The following PRKN variants were observed in gnomAD, a reference collection of about 807,000 sequenced individuals.
PRKN encodes parkin RBR E3 ubiquitin protein ligase.
PRKN carries 56 observed loss-of-function variants against 59.5 expected under a neutral mutation model. That is an observed-to-expected ratio of 0.94 (90% CI 0.76 to 1.18). The LOEUF is 1.18. Among genes scored for constraint, PRKN ranks in the 50% most tolerant of loss-of-function variants. The pLI is 0.00. For synonymous variants in PRKN, 250 were observed against 222.1 expected, an observed-to-expected ratio of 1.13 and a Z score of -1.12; for missense variants, 657 against 596.4, an observed-to-expected ratio of 1.10 and a Z score of -1.06.
At position 162,133,100 on chromosome 6, in the gene PRKN, G is replaced by A. The variant is rs1009352114; in HGVS notation, c.534+68031C>T. Among the ~76,000 whole-genome samples the A allele has an allele frequency of 3.9e-5, 6 of 152,260 alleles. No homozygotes were observed. The South Asian group carries it at 1.2e-3, about 32-fold the overall frequency. On this transcript the variant is annotated intron_variant, in intron 4 of 11. Transcript: ENST00000366898. ...TGTGAATGTGATGGGCAGGCAGATG[G>A]TTTGTGTCTGAAAAATGTTAGAAGG...
At chr6:161,779,603 C>T (rs1034210371) in intron 7 of PRKN, among the ~76,000 whole-genome samples, 1 of 151,600 alleles carries the variant, frequency 6.6e-6, no homozygotes, top group African/African-American at 2.4e-5. Flanking sequence ...TGCCACCACA[C>T]CTAGCTAATT....
chr6:162,294,656 A>G (rs1161874912), intron 2 of PRKN, among the ~76,000 whole-genome samples: 2 of 152,178 alleles, frequency 1.3e-5, no homozygotes, highest in Non-Finnish European at 2.9e-5. Flanking sequence ...GACGTTATTA[A>G]AGATGTGCTT....
chr6:162,719,543 G>GAAAA (rs36120953), intron 1 of PRKN, among the ~76,000 whole-genome samples: 3 of 151,006 alleles, frequency 2.0e-5, no homozygotes, highest in Non-Finnish European at 1.5e-5. Context: ...TGTTTCAATG[G>GAAAA]AAAAAAAAAA....
At chr6:162,681,708 G>A (rs565922928) in intron 1 of PRKN, among the ~76,000 whole-genome samples, 1 of 152,204 alleles carries the variant, frequency 6.6e-6, no homozygotes, top group African/African-American at 2.4e-5. Context: ...GTTTGCACAG[G>A]TGTGTGACCT....
chr6:161,789,026 C>T (rs759656842), intron 6 of PRKN, among the ~76,000 whole-genome samples: 9 of 152,118 alleles, frequency 5.9e-5, no homozygotes, highest in Non-Finnish European at 1.0e-4. Flanking sequence ...GTTATAAAGA[C>T]GGTGTATATG....
At chr6:161,932,770 G>C (rs183849490) in intron 6 of PRKN, among the ~76,000 whole-genome samples, 74 of 151,550 alleles carry the variant, frequency 4.9e-4, no homozygotes, top group Admixed American at 2.7e-3. Context: ...TTATATAGAT[G>C]GTTACAACTA....
intron 1 of PRKN, among the ~76,000 whole-genome samples, chr6:162,540,182 C>T (rs952210864): frequency 1.3e-5 from 2 of 152,160 alleles, no homozygotes; most frequent in Non-Finnish European, 2.9e-5. Flanking sequence ...TCCCAAAGTG[C>T]TGGGATTACA....
At chr6:162,356,666 A>G (rs1784873539) in intron 2 of PRKN, among the ~76,000 whole-genome samples, 1 of 151,012 alleles carries the variant, frequency 6.6e-6, no homozygotes, top group Admixed American at 6.6e-5. Flanking sequence ...CCTACACAAC[A>G]CTGAAGGAGA....
At position 161,941,368 on chromosome 6, in the gene PRKN, G is replaced by A. The variant is rs570463994; in HGVS notation, c.734+31934C>T. Among the ~76,000 whole-genome samples the A allele has an allele frequency of 4.6e-5, 7 of 152,348 alleles. No homozygotes were observed. The East Asian group carries it at 9.7e-4, about 21-fold the overall frequency. ...CATGTTGGCCACTGACTGGCAGAAC[G>A]ATGTGGAGTGTGGCTGAGGCAGTTG... is the stretch of plus-strand genomic sequence containing the variant. On this transcript the variant is annotated intron_variant, in intron 6 of 11. Transcript: ENST00000366898.
chr6:162,216,190 C>G (rs187209689), intron 3 of PRKN, among the ~76,000 whole-genome samples: 1 of 152,174 alleles, frequency 6.6e-6, no homozygotes, highest in Admixed American at 6.5e-5. Flanking sequence ...CTAGATTTTC[C>G]AAACTAATTA....
chr6:162,595,122 T>C (rs1485433971), intron 1 of PRKN, among the ~76,000 whole-genome samples: 2 of 151,974 alleles, frequency 1.3e-5, no homozygotes, highest in African/African-American at 4.8e-5. Context: ...TGCAGGGAGC[T>C]GAGATCGTGC....
intron 9 of PRKN, among the ~76,000 whole-genome samples, chr6:161,425,692 T>G (rs1265289482): frequency 2.6e-5 from 4 of 152,146 alleles, no homozygotes; most frequent in Non-Finnish European, 5.9e-5. Flanking sequence ...GAAGTCAAGA[T>G]TACAACTAAG....
intron 1 of PRKN, among the ~76,000 whole-genome samples, chr6:162,639,951 T>C (rs1474610165): frequency 6.6e-6 from 1 of 152,154 alleles, no homozygotes; most frequent in Non-Finnish European, 1.5e-5. Flanking sequence ...ATTTTTATTA[T>C]AGTCCTCATA....
chr6:161,680,726 C>CATATATATATAT (rs56954052), intron 7 of PRKN, among the ~76,000 whole-genome samples: 3 of 51,020 alleles, frequency 5.9e-5, no homozygotes, highest in African/African-American at 2.6e-4. Context: ...TCCTGAAATA[C>CATATATATATAT]ATATATATAT....
In PRKN at chr6:161,444,699, C is replaced by T. The variant is rs116668196; in HGVS notation, c.1084-57822G>A. On this transcript the variant is annotated intron_variant, in intron 9 of 11. Transcript: ENST00000366898. This position sits in a 1 kb window ranked among gnomAD's most constrained non-coding sequence, Gnocchi z 5.6. ...TGAGTAACAGCGAGCTTTGCACGAG[C>T]GCTACCGCGTGGCGGTGGAAACATT... Among the ~76,000 whole-genome samples, 146 of 152,336 alleles carry T rather than the reference C, an allele frequency of 9.6e-4. No homozygotes were observed. Among genetic ancestry groups the T allele is most frequent in the African/African-American group, 3.3e-3 (139 of 41,568 alleles).
At chr6:162,328,153 G>A (rs1448838522) in intron 2 of PRKN, among the ~76,000 whole-genome samples, 1 of 152,180 alleles carries the variant, frequency 6.6e-6, no homozygotes, top group African/African-American at 2.4e-5. Context: ...AAAGTCAAGA[G>A]ATCAAGACCA....
Position 161,545,454 on chromosome 6 carries a change from T to G in PRKN, c.1083+3400A>C, listed in dbSNP as rs764348705. ...TTGTCCATACTGTGAGAGCAAAGAG[T>G]AAAAAGAGATTCACCTTCTTCTAAC... On this transcript the variant is annotated intron_variant, in intron 9 of 11. Transcript: ENST00000366898. This position sits in a 1 kb window ranked among gnomAD's most constrained non-coding sequence, Gnocchi z 4.1. 1 of 1,559,282 alleles carries G rather than the reference T, an allele frequency of 6.4e-7. No homozygotes were observed. The highest frequency in any genetic ancestry group is 8.8e-7 in the Non-Finnish European group (1 of 1,131,410).
rs766949960 is a variant in PRKN, at chr6:161,352,755, G to GTGTGTGTGTGTGTGTATA, written c.1286-2545_1286-2544insTATACACACACACACACA. On this transcript the variant is annotated intron_variant, in intron 11 of 11. Coordinates refer to ENST00000366898, the MANE Select transcript of PRKN (RefSeq NM_004562.3). This position sits in a 1 kb window ranked among gnomAD's most constrained non-coding sequence, Gnocchi z 5.8. The stretch of plus-strand genomic sequence containing the variant: ...TGTGTGTGTGTGTGTGTGTGTGTGT[G>GTGTGTGTGTGTGTGTATA]TATATATATATATATATTTTATTTT... 2.1e-3 allele frequency among the ~76,000 whole-genome samples: 288 copies of GTGTGTGTGTGTGTGTATA among 134,342 alleles called. 2 individuals are homozygous for GTGTGTGTGTGTGTGTATA. Among genetic ancestry groups the GTGTGTGTGTGTGTGTATA allele is most frequent in the Non-Finnish European group, 2.2e-3 (141 of 62,878 alleles). 88.1% of individuals were successfully genotyped at this position (134,342 alleles called of 152,430 possible). A position where few individuals can be genotyped will look rare whatever the true frequency, so the allele number is the denominator to read the frequency against.
intron 1 of PRKN, among the ~76,000 whole-genome samples, chr6:162,513,379 T>C (rs564488287): frequency 1.3e-5 from 2 of 151,924 alleles, no homozygotes; most frequent in African/African-American, 4.8e-5. Context: ...CTCCGGAGGC[T>C]GAGGTGGGAG....
Sources: allele counts gnomAD v4.1 joint callset (sites outside exome capture counted in the v4.1 genomes callset), GRCh38; gene constraint gnomAD v4.1.1; non-coding constraint Gnocchi (gnomAD v3.1); transcripts MANE v1.5; gene names NCBI Gene and HGNC (gene_info 2026-07-23, HGNC 2026-07-21).